Variants in CDH23 observed in about 807,000 individuals in gnomAD.
CDH23 encodes cadherin related 23.
In CDH23, 189 loss-of-function variants were observed where a neutral mutation model predicts 317.1. The ratio of observed to expected loss-of-function variants is 0.60; its 90% CI spans 0.53 to 0.67. CDH23 has a LOEUF of 0.67. CDH23 is among the 30% of genes least tolerant of loss of function. CDH23 has a pLI of 0.00. For missense variants in CDH23, 4,401 were observed against 4,592.4 expected, an observed-to-expected ratio of 0.96 and a Z score of 1.20; for synonymous variants, 1,839 against 1,876.8, an observed-to-expected ratio of 0.98 and a Z score of 0.52.
At position 71,802,986 on chromosome 10, in the gene CDH23, C is replaced by A. The variant is rs753818645; in HGVS notation, c.7571C>A (p.Ala2524Glu). 1 of 1,614,028 alleles carries A rather than the reference C, an allele frequency of 6.2e-7. No individual in the cohort carries two copies. Among genetic ancestry groups the A allele is most frequent in the Admixed American group, 1.7e-5 (1 of 60,034 alleles). Residue 2524 changes from alanine (A) to glutamate (E), a missense_variant, in exon 54 of 70, where the codon GCG becomes GAG. Physicochemically the swap from Ala to Glu is moderately radical, Grantham distance 107. This residue lies in a region of CDH23 where 189 missense variants were observed against 250.9 expected (regional missense o/e 0.75). Coordinates refer to ENST00000224721, the MANE Select transcript of CDH23 (RefSeq NM_022124.6). ...FSTSVYENEP[A>E]GTSVITMMAT... ...ACAAGCGTGTATGAGAATGAGCCGG[C>A]GGGCACCTCGGTCATCACCATGATG... is the stretch of plus-strand genomic sequence containing the variant.
chr10:71,481,510 A>G (rs543068575), intron 3 of CDH23, among the ~76,000 whole-genome samples: 2 of 152,152 alleles, frequency 1.3e-5, no homozygotes, highest in Non-Finnish European at 2.9e-5. Flanking sequence ...TGCACGTGAG[A>G]TAAGAGTGGC....
chr10:71,732,000 G>T lies in CDH23; in HGVS notation c.3729G>T (p.Leu1243=), dbSNP rs767483018. 6.2e-7 allele frequency: 1 copy of T among 1,613,602 alleles called. No individual in the cohort carries two copies. The highest frequency in any genetic ancestry group is 2.2e-5 in the East Asian group (1 of 44,856). Residue 1243 remains leucine, a synonymous_variant, in exon 32 of 70, where the codon CTG becomes CTT. Transcript: ENST00000224721. ...ATDRDSGDGG[L]VNYRILSGAE... ...GTCCTCCTACAGGGGATGGTGGCCT[G>T]GTGAACTACCGCATCCTGTCGGGCG...
rs1864373172 is a variant in CDH23 at position 71,676,447 on chromosome 10, T to G, written c.1515-1009T>G. On this transcript the variant is annotated intron_variant, in intron 15 of 69. Transcript: ENST00000224721. ...TTCAAGACCAGCCTGGCCAACATGG[T>G]GAAACCCCATCTCTACTAAAAATAC... Among the ~76,000 whole-genome samples the G allele has an allele frequency of 2.0e-5, 3 of 151,064 alleles. No homozygotes were observed. The South Asian group carries it at 6.3e-4, about 32-fold the overall frequency.
intron 6 of CDH23, among the ~76,000 whole-genome samples, chr10:71,517,208 G>T (rs1854381188): frequency 6.6e-6 from 1 of 152,222 alleles, no homozygotes; most frequent in Non-Finnish European, 1.5e-5. Context: ...TACTGTGCAT[G>T]GTCCAGGGCT....
At chr10:71,428,139 C>CT (rs112105182) in intron 1 of CDH23, among the ~76,000 whole-genome samples, 13,204 of 131,524 alleles carry the variant, frequency 0.1, 2,111 homozygotes, top group African/African-American at 0.35. Flanking sequence ...TTCTTTCTTT[C>CT]TTTTTTTTTT....
At chr10:71,418,986 A>G (rs555251611) in intron 1 of CDH23, among the ~76,000 whole-genome samples, 1 of 152,350 alleles carries the variant, frequency 6.6e-6, no homozygotes, top group Admixed American at 6.5e-5. Flanking sequence ...AACAAAGGAT[A>G]GCTACTATAA....
chr10:71,599,198 CT>C (rs974981986), intron 9 of CDH23, among the ~76,000 whole-genome samples: 2 of 152,300 alleles, frequency 1.3e-5, no homozygotes, highest in East Asian at 3.9e-4. Context: ...TGCTTTGGAT[CT>C]TTTTTGCTCT....
intron 9 of CDH23, among the ~76,000 whole-genome samples, chr10:71,587,068 C>A (rs1370235986): frequency 6.6e-6 from 1 of 152,194 alleles, no homozygotes; most frequent in Non-Finnish European, 1.5e-5. Flanking sequence ...TCTCTCACCC[C>A]CATCATAACC....
chr10:71,699,728 A>G (rs1183213662), intron 22 of CDH23, among the ~76,000 whole-genome samples: 2 of 152,202 alleles, frequency 1.3e-5, no homozygotes, highest in Non-Finnish European at 2.9e-5. Flanking sequence ...GAGAAAAATG[A>G]CGGGCGTGAA....
chr10:71,409,694 C>T (rs1234655463), intron 1 of CDH23, among the ~76,000 whole-genome samples: 1 of 152,086 alleles, frequency 6.6e-6, no homozygotes, highest in Admixed American at 6.5e-5. Flanking sequence ...CCCTGAGGAG[C>T]TCCAAGACCC....
chr10:71,672,129 G>A (rs1333365489), intron 14 of CDH23, among the ~76,000 whole-genome samples: 1 of 152,064 alleles, frequency 6.6e-6, no homozygotes, highest in East Asian at 1.9e-4. Context: ...GCAGGGAGGA[G>A]CCCTAACTTT....
intron 6 of CDH23, among the ~76,000 whole-genome samples, chr10:71,528,537 A>G (rs1589167583): frequency 6.6e-6 from 1 of 152,228 alleles, no homozygotes; most frequent in Non-Finnish European, 1.5e-5. Context: ...GTTTTTGGTT[A>G]AAAAGCCTCA....
intron 69 of CDH23, 106 bp downstream of exon 69, chr10:71,813,454 C>A: frequency 9.8e-7 from 1 of 1,023,166 alleles, no homozygotes; most frequent in Non-Finnish European, 1.5e-6. Flanking sequence ...AGCTCTGCAG[C>A]CAGGACCAAA....
intron 18 of CDH23, among the ~76,000 whole-genome samples, chr10:71,683,513 C>T (rs1298875579): frequency 2.6e-5 from 4 of 152,188 alleles, no homozygotes; most frequent in Admixed American, 2.6e-4. Context: ...GGCCAGCTTC[C>T]AAGCGGAAAG....
At chr10:71,697,186 G>A (rs1865422891) in intron 22 of CDH23, among the ~76,000 whole-genome samples, 1 of 152,222 alleles carries the variant, frequency 6.6e-6, no homozygotes, top group South Asian at 2.1e-4. Flanking sequence ...TTGGGCATCT[G>A]CAAGCTTTGG....
At chr10:71,489,107 C>A (rs576396472) in intron 3 of CDH23, among the ~76,000 whole-genome samples, 84 of 152,272 alleles carry the variant, frequency 5.5e-4, no homozygotes, top group South Asian at 2.3e-3. Context: ...CATTTGTCTT[C>A]TTTAATCTAT....
chr10:71,777,288 A>T (rs1840835739), intron 38 of CDH23, among the ~76,000 whole-genome samples: 2 of 152,202 alleles, frequency 1.3e-5, no homozygotes, highest in African/African-American at 4.8e-5. Flanking sequence ...GCTCAATAAG[A>T]CACAGGCCCT....
rs115274479 is a variant in CDH23, at chr10:71,590,688, A to T, written c.832+12696A>T. Among the ~76,000 whole-genome samples, 588 of 152,146 alleles carry T rather than the reference A, an allele frequency of 3.9e-3. 7 individuals carry two copies. The highest frequency in any genetic ancestry group is 0.013 in the African/African-American group (544 of 41,510). On this transcript the variant is annotated intron_variant, in intron 9 of 69. Coordinates refer to ENST00000224721, the MANE Select transcript of CDH23 (RefSeq NM_022124.6). ...GCAAATGAGGATTTGAGTCCCTGGG[A>T]TGCTTTCAGTCCTCTTTAGAAGTCT...
intron 8 of CDH23, 85 bp downstream of exon 8, chr10:71,571,003 T>A: frequency 6.7e-7 from 1 of 1,490,662 alleles, no homozygotes; most frequent in South Asian, 1.2e-5. Flanking sequence ...GCCCTGTTAG[T>A]GGGCTGGGCT....
Sources: allele counts gnomAD v4.1 joint callset (sites outside exome capture counted in the v4.1 genomes callset), GRCh38; gene constraint gnomAD v4.1.1; regional missense constraint gnomAD v4.1.1; transcripts MANE v1.5; gene names NCBI Gene and HGNC (gene_info 2026-07-23, HGNC 2026-07-21).